The following CDH8 variants were observed in gnomAD, a reference collection of about 807,000 sequenced individuals.
CDH8 encodes cadherin 8, also known as cadherin-8.
A neutral mutation model predicts 68.1 loss-of-function variants in CDH8; 17 were observed. The observed-to-expected ratio is 0.25, with a 90% confidence interval of 0.17 to 0.37. CDH8 has a LOEUF of 0.37. CDH8 is among the 10% of genes least tolerant of loss of function. The probability of loss-of-function intolerance (pLI) is 1.00; values close to 1 mark genes in which losing one functional copy is unlikely to be tolerated. For missense variants in CDH8, 763 were observed against 999.3 expected, an observed-to-expected ratio of 0.76 and a Z score of 3.19; for synonymous variants, 372 against 365.1, an observed-to-expected ratio of 1.02 and a Z score of -0.21.
chr16:61,695,667 C>T (rs1964311299), intron 10 of CDH8, among the ~76,000 whole-genome samples: 1 of 152,136 alleles, frequency 6.6e-6, no homozygotes, highest in African/African-American at 2.4e-5. Context: ...CAGTTGAGAA[C>T]CCACTGATGT....
intron 8 of CDH8, among the ~76,000 whole-genome samples, chr16:61,731,707 CAAA>C (rs939639053): frequency 2.1e-4 from 31 of 151,092 alleles, no homozygotes; most frequent in Non-Finnish European, 4.1e-4. Flanking sequence ...ATCTAGTTTC[CAAA>C]AAAAGTTACA....
At chr16:61,688,208 A>C (rs1247578459) in intron 10 of CDH8, among the ~76,000 whole-genome samples, 2 of 151,922 alleles carry the variant, frequency 1.3e-5, no homozygotes, top group Admixed American at 1.3e-4. Context: ...TGTTAGCTCT[A>C]CCCTTCCATA....
chr16:62,026,928 T>C (rs73568776), intron 1 of CDH8, among the ~76,000 whole-genome samples: 1 of 152,326 alleles, frequency 6.6e-6, no homozygotes, highest in Non-Finnish European at 1.5e-5. Flanking sequence ...CAGTATTAAT[T>C]AATAACTGCG....
chr16:61,921,832 C>A (rs1964373115), intron 2 of CDH8, among the ~76,000 whole-genome samples: 1 of 152,236 alleles, frequency 6.6e-6, no homozygotes, highest in East Asian at 1.9e-4. Context: ...GAGTTCAAGA[C>A]CAGCCTTGCC....
intron 8 of CDH8, among the ~76,000 whole-genome samples, chr16:61,782,773 C>G (rs1181813207): frequency 7.2e-5 from 11 of 152,134 alleles, no homozygotes; most frequent in Non-Finnish European, 1.3e-4. Flanking sequence ...TCAAGTGGGT[C>G]CCTGACCCCT....
intron 2 of CDH8, among the ~76,000 whole-genome samples, chr16:61,992,077 T>TGTGTGA (rs34925928): frequency 7.6e-5 from 11 of 144,246 alleles, no homozygotes; most frequent in Admixed American, 2.8e-4. Flanking sequence ...TGTGTGTGTG[T>TGTGTGA]GAGAGAGAGA....
intron 3 of CDH8, among the ~76,000 whole-genome samples, chr16:61,899,222 T>C (rs867852268): frequency 6.6e-6 from 1 of 152,172 alleles, no homozygotes. Flanking sequence ...AGTGAGAACA[T>C]ACAGTGTTTT....
At position 61,929,916 on chromosome 16, in the gene CDH8, G is replaced by A. The variant is rs188474529; in HGVS notation, c.253-28443C>T. Among the ~76,000 whole-genome samples, 111 of 151,916 alleles carry A rather than the reference G, an allele frequency of 7.3e-4. 1 individual carries two copies. Among genetic ancestry groups the A allele is most frequent in the African/African-American group, 2.1e-3 (87 of 41,464 alleles). On this transcript the variant is annotated intron_variant, in intron 2 of 11. Coordinates refer to ENST00000577390, the MANE Select transcript of CDH8 (RefSeq NM_001796.5). ...TTAAACAAAACAAAACAAAAAAATT[G>A]ATATATTCAAAACACATGTCAATTA... is the stretch of plus-strand genomic sequence containing the variant.
intron 3 of CDH8, among the ~76,000 whole-genome samples, chr16:61,887,900 C>T (rs182153601): frequency 3.3e-5 from 5 of 152,236 alleles, no homozygotes; most frequent in Admixed American, 6.5e-5. Flanking sequence ...TTACATGTAC[C>T]TAGCCTAGAG....
rs1964674399 is a variant in CDH8, at chr16:61,713,890, G to C, written c.1605C>G (p.Leu535=). ...TCGGATTGTTGACCATTTCTGGAAGGAGACTGTATAAGAAATAATGTCCGT... is the reference window on the plus strand; with the variant it reads ...TCGGATTGTTGACCATTTCTGGAAGCAGACTGTATAAGAAATAATGTCCGT... ...PKNGHYFLYS[L]LPEMVNNPNF... Residue 535 remains leucine (L), a synonymous_variant, in exon 10 of 12, where the codon CTC becomes CTG. Coordinates refer to ENST00000577390, the MANE Select transcript of CDH8 (RefSeq NM_001796.5). 6.2e-7 allele frequency: 1 copy of C among 1,608,508 alleles called. No homozygotes were observed. Among genetic ancestry groups the C allele is most frequent in the African/African-American group, 1.3e-5 (1 of 74,552 alleles).
Position 61,772,363 on chromosome 16 carries a change from T to C in CDH8, c.1414+16983A>G, listed in dbSNP as rs76851654. On this transcript the variant is annotated intron_variant, in intron 8 of 11. Transcript: ENST00000577390. ...AGCAATTGGGTTTTCCCTAGGAGAA[T>C]TGAGATGCAAAATGTTCATAAATTA... is the stretch of plus-strand genomic sequence containing the variant. Among the ~76,000 whole-genome samples the C allele has an allele frequency of 0.022, 3,407 of 152,116 alleles. 257 individuals carry two copies. In the East Asian group the frequency reaches 0.24, roughly 10 times the overall value.
chr16:62,014,120 G>C (rs1901881874), intron 2 of CDH8, among the ~76,000 whole-genome samples: 1 of 152,148 alleles, frequency 6.6e-6, no homozygotes, highest in Non-Finnish European at 1.5e-5. Context: ...GACGATTTGG[G>C]AGTTTGCTCA....
intron 10 of CDH8, among the ~76,000 whole-genome samples, chr16:61,687,003 C>A (rs1487279686): frequency 1.3e-5 from 2 of 151,826 alleles, no homozygotes. Flanking sequence ...TCTCCAAATT[C>A]TTAATCATAC....
At chr16:61,807,730 CAG>C (rs1423445224) in intron 7 of CDH8, among the ~76,000 whole-genome samples, 1 of 152,122 alleles carries the variant, frequency 6.6e-6, no homozygotes, top group Non-Finnish European at 1.5e-5. Context: ...ACTAAGCAAA[CAG>C]AGATATAAAG....
chr16:61,655,497 T>C lies in CDH8; in HGVS notation c.1879A>G (p.Ile627Val), dbSNP rs781297807. 7 of 1,614,110 alleles carry C rather than the reference T, an allele frequency of 4.3e-6. No homozygotes were observed. Among genetic ancestry groups the C allele is most frequent in the Admixed American group, 3.3e-5 (2 of 60,028 alleles). Residue 627 changes from isoleucine (I) to valine (V), a missense_variant, in exon 11 of 12, where the codon ATA (isoleucine) becomes GTA (valine). Ile to Val is a conservative substitution (Grantham distance 29). Around this residue, in one of 2 missense-constraint regions of CDH8, gnomAD observed 397 missense variants for 436.2 expected, o/e 0.91. Coordinates refer to ENST00000577390, the MANE Select transcript of CDH8 (RefSeq NM_001796.5). ...AACAGCAAAATGATGCATGCTAATA[T>C]GGCAATTAAGGCGCCCATACTGAGT... ...IGLSMGALIA[I>V]LACIILLLVI...
chr16:61,993,502 A>G (rs1455234231), intron 2 of CDH8, among the ~76,000 whole-genome samples: 1 of 152,168 alleles, frequency 6.6e-6, no homozygotes, highest in Non-Finnish European at 1.5e-5. Context: ...TGCAACAGTA[A>G]TCTTTTTTAA....
chr16:61,789,493 G>C lies in CDH8; in HGVS notation c.1278-11C>G, dbSNP rs1291231371. The C allele has an allele frequency of 5.6e-6, 9 of 1,611,314 alleles. No individual in the cohort carries two copies. The Admixed American group carries it at 1.3e-4, about 24-fold the overall frequency. ...CGGTCGATGGAAAACCTACAAAACA[G>C]ACACATCTGTAATCTACTTCAATGT... On this transcript the variant is annotated splice_polypyrimidine_tract_variant and intron_variant, in intron 7 of 11. Coordinates refer to ENST00000577390, the MANE Select transcript of CDH8 (RefSeq NM_001796.5).
chr16:61,769,270 TAA>T (rs1009908180), intron 8 of CDH8, among the ~76,000 whole-genome samples: 7 of 151,864 alleles, frequency 4.6e-5, no homozygotes, highest in African/African-American at 1.7e-4. Context: ...TCTTAAAGAA[TAA>T]AAGTCTGTTG....
At chr16:61,817,758 G>C (rs764343141) in intron 6 of CDH8, 26 bp from the exon 7 acceptor site, 16 of 1,534,484 alleles carry the variant, frequency 1.0e-5, no homozygotes, top group South Asian at 2.6e-5. Context: ...AAAGATAAAT[G>C]CTTCTCACTA....
Sources: gnomAD v4.1 joint callset for allele counts (sites outside exome capture counted in the v4.1 genomes callset) on GRCh38, gnomAD v4.1.1 for gene constraint, gnomAD v4.1.1 regional missense constraint, MANE v1.5 for transcripts, NCBI Gene and HGNC (gene_info 2026-07-23, HGNC 2026-07-21) for gene names.